The following UPB1 variants were observed in gnomAD, a reference collection of about 807,000 sequenced individuals.
The protein encoded by UPB1 is beta-ureidopropionase 1, also known as beta-ureidopropionase.
A neutral mutation model predicts 49.1 loss-of-function variants in UPB1; 40 were observed. The observed-to-expected ratio is 0.81, with a 90% CI of 0.63 to 1.06. The LOEUF (loss-of-function observed/expected upper bound fraction) is 1.06, where lower values mean the gene tolerates loss of function less well. Ranked by LOEUF, UPB1 falls within the 50% of genes least tolerant of loss-of-function variation. The probability of loss-of-function intolerance (pLI) is 0.00; values close to 1 mark genes in which losing one functional copy is unlikely to be tolerated. For missense variants in UPB1, 499 were observed against 505.9 expected (o/e 0.99, Z 0.13); for synonymous variants, 207 against 198.2 (o/e 1.04, Z -0.38).
chr22:24,514,214 C>T (rs116360446), intron 5 of UPB1, among the ~76,000 whole-genome samples: 2,951 of 152,174 alleles, frequency 0.019, 42 homozygotes, highest in African/African-American at 0.03. Context: ...TGTGGGGGTC[C>T]TGGCCGTTCT....
In UPB1 at chr22:24,526,238, C is replaced by CGAACACCG; in HGVS notation, c.*444_*445insGAACACCG. 3.8e-6 allele frequency: 1 copy of CGAACACCG among 264,392 alleles called. No homozygotes were observed. Among genetic ancestry groups the CGAACACCG allele is most frequent in the East Asian group, 9.6e-5 (1 of 10,368 alleles). The allele number at this position is 264,392 out of a possible 1,614,324, so 16.4% of individuals were successfully genotyped here. ...TGGGTCGGATGGTCTTTGGATGTGT[C>CGAACACCG]AGCTTAGCTAGGCCACAGTCACCAG... is the stretch of plus-strand genomic sequence containing the variant. On this transcript the variant is annotated 3_prime_UTR_variant, in exon 10 of 10. Coordinates refer to ENST00000326010, the MANE Select transcript of UPB1 (RefSeq NM_016327.3).
At position 24,522,560 on chromosome 22, in the gene UPB1, GC is replaced by G. The variant is rs924211350; in HGVS notation, c.916+538del. On this transcript the variant is annotated intron_variant, in intron 8 of 9. Coordinates refer to ENST00000326010, the MANE Select transcript of UPB1 (RefSeq NM_016327.3). ...GCCAAGAATGAGGGAGGTAGGGACT[GC>G]CCCCCTCACCAAGGAGGTATCTGAA... Among the ~76,000 whole-genome samples, 64 of 152,102 alleles carry G rather than the reference GC, an allele frequency of 4.2e-4. 1 individual carries two copies. The highest frequency in any genetic ancestry group is 1.8e-3 in the Admixed American group (27 of 15,278).
At chr22:24,517,240 T>C (rs908592410) in intron 6 of UPB1, among the ~76,000 whole-genome samples, 2 of 152,200 alleles carry the variant, frequency 1.3e-5, no homozygotes, top group Admixed American at 1.3e-4. Context: ...GGAGGGGTAC[T>C]GTTGGGTAGA....
At chr22:24,509,381 A>G (rs890002551) in intron 3 of UPB1, among the ~76,000 whole-genome samples, 11 of 58,054 alleles carry the variant, frequency 1.9e-4, no homozygotes, top group African/African-American at 2.9e-4. Flanking sequence ...AAAAAAAAAA[A>G]AAAAAAAAAA....
intron 8 of UPB1, 122 bp from the exon 9 acceptor site, chr22:24,523,497 C>T: frequency 6.9e-7 from 1 of 1,443,582 alleles, no homozygotes; most frequent in Non-Finnish European, 9.6e-7. Flanking sequence ...CAGCATTTGG[C>T]AGACACTGGG....
chr22:24,510,630 C>G, intron 3 of UPB1, 119 bp from the exon 4 acceptor site: 1 of 1,104,012 alleles, frequency 9.1e-7, no homozygotes, highest in Non-Finnish European at 1.4e-6. Flanking sequence ...ACCCAGAAGC[C>G]AGGCCATGGC....
intron 6 of UPB1, among the ~76,000 whole-genome samples, chr22:24,518,588 C>CT (rs2044336576): frequency 1.3e-5 from 2 of 152,214 alleles, no homozygotes; most frequent in Non-Finnish European, 1.5e-5. Flanking sequence ...CATCCATCCC[C>CT]TTTTCTGGCA....
intron 4 of UPB1, among the ~76,000 whole-genome samples, chr22:24,511,907 A>C (rs2044213321): frequency 1.3e-5 from 2 of 152,060 alleles, no homozygotes; most frequent in Admixed American, 6.6e-5. Flanking sequence ...GAGCCACCGC[A>C]CCTGGCCTGA....
intron 3 of UPB1, among the ~76,000 whole-genome samples, chr22:24,509,343 T>C (rs1302569622): frequency 7.2e-6 from 1 of 139,384 alleles, no homozygotes; most frequent in African/African-American, 2.8e-5. Flanking sequence ...TTAATCTGTG[T>C]GTATGTACCT....
intron 3 of UPB1, among the ~76,000 whole-genome samples, chr22:24,507,928 A>G (rs2044119686): frequency 6.6e-6 from 1 of 152,032 alleles, no homozygotes; most frequent in South Asian, 2.1e-4. Context: ...GGCCCTATGC[A>G]AATCAGACCC....
In UPB1 at chr22:24,513,409, T is replaced by A; in HGVS notation, c.545T>A (p.Val182Glu). 1 of 1,614,180 alleles carries A rather than the reference T, an allele frequency of 6.2e-7. No individual in the cohort carries two copies. ...EHGDVLWNTAVVISNSGAVLG... is the reference protein window; with the variant it reads ...EHGDVLWNTAEVISNSGAVLG... The stretch of plus-strand genomic sequence containing the variant: ...GGGGATGTTTTGTGGAATACAGCCG[T>A]GGTGATCTCCAATTCCGGAGCAGTC... The change falls in exon 5 of 10, where the codon GTG (valine) becomes GAG (glutamate). Residue 182 changes from valine (V) to glutamate (E), a missense_variant. Physicochemically the swap from Val to Glu is moderately radical, Grantham distance 121. Transcript: ENST00000326010.
intron 4 of UPB1, among the ~76,000 whole-genome samples, chr22:24,511,119 A>G (rs1369152990): frequency 1.3e-5 from 2 of 152,124 alleles, no homozygotes; most frequent in African/African-American, 4.8e-5. Context: ...AGCAAGTCCC[A>G]CAGCTGGCAA....
At chr22:24,504,429 A>G (rs2147008241) in intron 3 of UPB1, among the ~76,000 whole-genome samples, 1 of 152,236 alleles carries the variant, frequency 6.6e-6, no homozygotes, top group African/African-American at 2.4e-5. Flanking sequence ...CAGCCATTTT[A>G]ATTTGTGACC....
intron 1 of UPB1, among the ~76,000 whole-genome samples, chr22:24,495,922 G>C (rs771959753): frequency 6.6e-6 from 1 of 152,130 alleles, no homozygotes; most frequent in Non-Finnish European, 1.5e-5. Context: ...CCGACCTCTG[G>C]CTGACCCTTG....
In UPB1 at chr22:24,526,682, G is replaced by T. The variant is rs1306087785; in HGVS notation, c.*888G>T. On this transcript the variant is annotated 3_prime_UTR_variant, in exon 10 of 10. Coordinates refer to ENST00000326010, the MANE Select transcript of UPB1 (RefSeq NM_016327.3). ...ATCTTAAAGATGAGTTTTCTGCATTGGTTCTGGATTTTTTTAGAATTCTTC... is the reference window on the plus strand; with the variant it reads ...ATCTTAAAGATGAGTTTTCTGCATTTGTTCTGGATTTTTTTAGAATTCTTC... The T allele has an allele frequency of 6.6e-6, 1 of 152,198 alleles. No homozygotes were observed. The highest frequency in any genetic ancestry group is 2.1e-4 in the South Asian group (1 of 4,830). The allele number at this position is 152,198 out of a possible 1,614,324, so 9.4% of individuals were successfully genotyped here.
intron 7 of UPB1, 85 bp from the exon 8 acceptor site, chr22:24,521,901 C>A: frequency 7.0e-7 from 1 of 1,423,064 alleles, no homozygotes; most frequent in Non-Finnish European, 9.9e-7. Flanking sequence ...GGCCTGATTG[C>A]CCTGCTCATC....
intron 3 of UPB1, among the ~76,000 whole-genome samples, chr22:24,509,631 C>G (rs539728853): frequency 6.6e-6 from 1 of 152,122 alleles, no homozygotes; most frequent in Non-Finnish European, 1.5e-5. Context: ...TGATACTTTC[C>G]CCAAGGAGTC....
chr22:24,522,642 CAGG>C (rs2044414682), intron 8 of UPB1, among the ~76,000 whole-genome samples: 2 of 151,674 alleles, frequency 1.3e-5, no homozygotes, highest in South Asian at 2.1e-4. Flanking sequence ...TCTAGAAAGC[CAGG>C]AGGAGGCCAG....
intron 5 of UPB1, among the ~76,000 whole-genome samples, chr22:24,514,860 C>T (rs2044265640): frequency 6.6e-6 from 1 of 152,256 alleles, no homozygotes; most frequent in Admixed American, 6.5e-5. Flanking sequence ...TTGACCAACT[C>T]GTGTTAATGC....
Sources: gnomAD v4.1 joint callset for allele counts (sites outside exome capture counted in the v4.1 genomes callset) on GRCh38, gnomAD v4.1.1 for gene constraint, MANE v1.5 for transcripts, NCBI Gene and HGNC (gene_info 2026-07-23, HGNC 2026-07-21) for gene names.